The following AMMECR1 variants were observed in gnomAD, a reference collection of about 807,000 sequenced individuals.
AMMECR1 encodes nuclear protein AMMECR1.
Under a neutral mutation model 22.5 loss-of-function variants are expected in AMMECR1, and 3 were observed. The ratio of observed to expected loss-of-function variants is 0.13; its 90% CI spans 0.06 to 0.35. The LOEUF is 0.35. Among genes scored for constraint, AMMECR1 ranks in the 10% least tolerant of loss-of-function variants. AMMECR1 has a pLI of 1.00. For synonymous variants in AMMECR1, 130 were observed against 116.7 expected (o/e 1.11, Z -0.74); for missense variants, 235 against 278.7 (o/e 0.84, Z 1.12).
intron 2 of AMMECR1, among the ~76,000 whole-genome samples, chrX:110,389,288 G>A (rs1373395946): frequency 8.9e-6 from 1 of 112,520 alleles, no homozygotes; most frequent in Non-Finnish European, 1.9e-5. Context: ...ACACTTGGCT[G>A]TTTTTTTGTA....
chrX:110,301,769 A>G (rs920003399), intron 1 of AMMECR1, among the ~76,000 whole-genome samples: 1 of 111,867 alleles, frequency 8.9e-6, no homozygotes, highest in African/African-American at 3.2e-5. Context: ...AATCAGAAAA[A>G]TGCACTTATA....
chrX:110,241,198 A>G (rs1252227631), intron 2 of AMMECR1, among the ~76,000 whole-genome samples: 1 of 111,490 alleles, frequency 9.0e-6, no homozygotes, highest in Non-Finnish European at 1.9e-5. Context: ...AACAAATTCA[A>G]AAGCTAGCAG....
intron 1 of AMMECR1, among the ~76,000 whole-genome samples, chrX:110,292,684 GGTAA>G (rs940645188): frequency 8.9e-6 from 1 of 112,252 alleles, no homozygotes; most frequent in Non-Finnish European, 1.9e-5. Context: ...ACAGTAAAAA[GGTAA>G]GTGTTAGGGA....
At chrX:110,266,525 G>A (rs1194263400) in intron 1 of AMMECR1, among the ~76,000 whole-genome samples, 1 of 110,156 alleles carries the variant, frequency 9.1e-6, no homozygotes, top group African/African-American at 3.3e-5. Context: ...TGGGATTACA[G>A]GTATGCACCA....
chrX:110,422,242 C>T (rs1321931366), intron 2 of AMMECR1, among the ~76,000 whole-genome samples: 2 of 112,704 alleles, frequency 1.8e-5, no homozygotes, highest in African/African-American at 6.5e-5. Flanking sequence ...TGTTCCCTCC[C>T]CTGACTGGCA....
At chrX:110,222,497 G>A (rs1448599164) in intron 2 of AMMECR1, among the ~76,000 whole-genome samples, 1 of 92,727 alleles carries the variant, frequency 1.1e-5, no homozygotes, top group African/African-American at 4.0e-5. Flanking sequence ...CCTAATGCTA[G>A]ATGACGAGTT....
chrX:110,404,310 T>C (rs1011467533), intron 2 of AMMECR1, among the ~76,000 whole-genome samples: 6 of 111,832 alleles, frequency 5.4e-5, no homozygotes, highest in Non-Finnish European at 7.5e-5. Context: ...GGTTCTTTCC[T>C]TCCGAAATTG....
chrX:110,390,952 T>C (rs1047582945), intron 2 of AMMECR1, among the ~76,000 whole-genome samples: 5 of 111,710 alleles, frequency 4.5e-5, no homozygotes, highest in Admixed American at 9.5e-5. Flanking sequence ...TTTTTTGTCA[T>C]CTGGAACATG....
intron 2 of AMMECR1, among the ~76,000 whole-genome samples, chrX:110,379,815 G>C (rs553200613): frequency 8.9e-6 from 1 of 111,906 alleles, no homozygotes; most frequent in South Asian, 3.7e-4. Flanking sequence ...GCCTTTGAGT[G>C]GTCTTTTCAA....
At chrX:110,341,985 G>C (rs1281310395) in intron 2 of AMMECR1, among the ~76,000 whole-genome samples, 1 of 110,749 alleles carries the variant, frequency 9.0e-6, no homozygotes, top group East Asian at 2.8e-4. Context: ...CTTGAGCCTG[G>C]GAGGTCGAGG....
At chrX:110,390,906 G>A (rs2068489751) in intron 2 of AMMECR1, among the ~76,000 whole-genome samples, 1 of 111,764 alleles carries the variant, frequency 8.9e-6, no homozygotes, top group Admixed American at 9.5e-5. Flanking sequence ...CAGCTTCAGT[G>A]GTGAACAGCA....
chrX:110,394,419 A>G (rs1395225667), intron 2 of AMMECR1, among the ~76,000 whole-genome samples: 1 of 111,020 alleles, frequency 9.0e-6, no homozygotes, highest in East Asian at 2.8e-4. Context: ...GCCTGGCTAA[A>G]TTTTTGTATT....
At chrX:110,424,237 C>T (rs1286530586) in intron 2 of AMMECR1, among the ~76,000 whole-genome samples, 2 of 111,613 alleles carry the variant, frequency 1.8e-5, no homozygotes, top group Non-Finnish European at 3.8e-5. Context: ...ATTGTGGGCC[C>T]GTCACAGCTC....
chrX:110,228,514 C>T (rs1042342129), intron 2 of AMMECR1, among the ~76,000 whole-genome samples: 2 of 111,372 alleles, frequency 1.8e-5, no homozygotes, highest in African/African-American at 6.5e-5. Flanking sequence ...TTCACATAAT[C>T]CAATAACACT....
chrX:110,426,795 C>T (rs748374676), exon 2 of AMMECR1: 1 of 111,825 alleles, frequency 8.9e-6, no homozygotes, highest in South Asian at 3.8e-4. Flanking sequence ...AAGGTGAGGA[C>T]TCATGGTGCT....
chrX:110,336,566 T>A (rs1255260162), intron 2 of AMMECR1, among the ~76,000 whole-genome samples: 1 of 109,558 alleles, frequency 9.1e-6, no homozygotes, highest in Non-Finnish European at 1.9e-5. Context: ...ACAAAAAAAA[T>A]TAGCCAGGTG....
intron 1 of AMMECR1, among the ~76,000 whole-genome samples, chrX:110,268,915 T>C (rs182906614): frequency 2.1e-4 from 24 of 111,656 alleles, no homozygotes; most frequent in African/African-American, 6.5e-4. Context: ...ATTGAAAAAA[T>C]ACTACAAACT....
intron 1 of AMMECR1, among the ~76,000 whole-genome samples, chrX:110,303,284 G>T (rs1304872534): frequency 1.8e-5 from 2 of 111,597 alleles, no homozygotes; most frequent in African/African-American, 3.3e-5. Context: ...GGGTTTGCTT[G>T]TTCTCTTGCC....
chrX:110,210,876 G>A (rs1016821842), intron 3 of AMMECR1, among the ~76,000 whole-genome samples: 2 of 111,533 alleles, frequency 1.8e-5, no homozygotes, highest in African/African-American at 3.3e-5. Context: ...AGGGGCCTGA[G>A]GTATAGCTTT....
Sources: allele counts gnomAD v4.1 joint callset (sites outside exome capture counted in the v4.1 genomes callset), GRCh38; gene constraint gnomAD v4.1.1; transcripts MANE v1.5; gene names NCBI Gene and HGNC (gene_info 2026-07-23, HGNC 2026-07-21).